The following BAHCC1 variants were observed in gnomAD, a reference collection of about 807,000 sequenced individuals.
The protein encoded by BAHCC1 is BAH and coiled-coil domain-containing protein 1.
In BAHCC1, 43 loss-of-function variants were observed where a neutral mutation model predicts 88.2. That is an observed-to-expected ratio of 0.49 (90% CI 0.38 to 0.63). The LOEUF is 0.63. BAHCC1 is among the 20% of genes least tolerant of loss of function. BAHCC1 has a pLI of 0.00. For missense variants in BAHCC1, 3,023 were observed against 1,654.8 expected, an observed-to-expected ratio of 1.83 and a Z score of -14.34; for synonymous variants, 1,510 against 745.5, an observed-to-expected ratio of 2.03 and a Z score of -16.71.
intron 4 of BAHCC1, among the ~76,000 whole-genome samples, chr17:81,440,213 GT>G (rs2064392286): frequency 1.3e-5 from 2 of 152,210 alleles, no homozygotes; most frequent in African/African-American, 2.4e-5. Context: ...AGCGCGTGCA[GT>G]TATTTTGACA....
rs1555658091 is a variant in BAHCC1, at chr17:81,458,480, C to T, written c.5343+14C>T. ...CCAGTGCTGCGGGTGAGGCTGGGCT[C>T]TGGGGTGCTGGGCGGAGAGGGTGGG... On this transcript the variant is annotated intron_variant, in intron 18 of 27. Transcript: ENST00000675386. 2.9e-6 allele frequency: 2 copies of T among 691,320 alleles called. No individual in the cohort carries two copies. Among genetic ancestry groups the T allele is most frequent in the Non-Finnish European group, 5.3e-6 (2 of 375,484 alleles). 42.8% of individuals were successfully genotyped at this position (691,320 alleles called of 1,614,324 possible). A position where few individuals can be genotyped will look rare whatever the true frequency, so the allele number is the denominator to read the frequency against.
Position 81,442,931 on chromosome 17 carries a change from G to A in BAHCC1, c.1582G>A (p.Gly528Ser), listed in dbSNP as rs782122694. 3.9e-6 allele frequency: 3 copies of A among 779,100 alleles called. No homozygotes were observed. Among genetic ancestry groups the A allele is most frequent in the Non-Finnish European group, 7.2e-6 (3 of 417,818 alleles). The allele number at this position is 779,100 out of a possible 1,614,324, so 48.3% of individuals were successfully genotyped here. Residue 528 changes from glycine to serine, a missense_variant, in exon 5 of 28, where the codon GGC becomes AGC. Coordinates refer to ENST00000675386, the MANE Select transcript of BAHCC1 (RefSeq NM_001377448.1). Reference sequence around the variant, plus strand: ...CTGCTGCACTTTAGATAAGACTGTTGGCAAGGAAGCCCCGGCCGGCCCCCC... The same window carrying A: ...CTGCTGCACTTTAGATAAGACTGTTAGCAAGGAAGCCCCGGCCGGCCCCCC... ...QACCTLDKTVGKEAPAGPPGA... is the reference protein window; with the variant it reads ...QACCTLDKTVSKEAPAGPPGA...
chr17:81,409,610 C>T (rs2143250480), intron 2 of BAHCC1, among the ~76,000 whole-genome samples: 1 of 152,312 alleles, frequency 6.6e-6, no homozygotes, highest in Middle Eastern at 3.4e-3. Context: ...TCATCTGGGT[C>T]ATAGAGCACT....
intron 2 of BAHCC1, among the ~76,000 whole-genome samples, chr17:81,415,860 C>T (rs1555648566): frequency 6.6e-6 from 1 of 152,250 alleles, no homozygotes; most frequent in Non-Finnish European, 1.5e-5. Context: ...GCTGCAACTA[C>T]CCACAGAACC....
At chr17:81,457,624 T>C (rs782524662) in intron 17 of BAHCC1, 32 bp downstream of exon 17, 33 of 659,780 alleles carry the variant, frequency 5.0e-5, no homozygotes, top group Non-Finnish European at 7.5e-5. Context: ...GGTTGCTAGG[T>C]AACCAGGAGG....
intron 6 of BAHCC1, 34 bp from the exon 7 acceptor site, chr17:81,444,347 C>T (rs782289931): frequency 3.4e-5 from 24 of 712,540 alleles, no homozygotes; most frequent in South Asian, 1.6e-4. Context: ...TGGGCCTTGG[C>T]GCCGGCGGCA....
intron 3 of BAHCC1, among the ~76,000 whole-genome samples, chr17:81,436,845 T>C (rs2064344045): frequency 1.3e-5 from 2 of 152,212 alleles, no homozygotes; most frequent in Non-Finnish European, 1.5e-5. Flanking sequence ...GGCTTCACCC[T>C]GTCAAGCAGG....
chr17:81,424,899 G>C (rs1417398052), intron 2 of BAHCC1, among the ~76,000 whole-genome samples: 1 of 151,472 alleles, frequency 6.6e-6, no homozygotes, highest in African/African-American at 2.4e-5. Context: ...TAGTAATGTG[G>C]TTGGTGGTGA....
Position 81,435,584 on chromosome 17 carries a change from C to G in BAHCC1, c.359-2786C>G, listed in dbSNP as rs1555651605. ...GGGGAGGTTCTGGAGCCCCGACGTT[C>G]TAGCAGGAGCTTGCAGTTGAGGACC... On this transcript the variant is annotated intron_variant, in intron 3 of 27. Coordinates refer to ENST00000675386, the MANE Select transcript of BAHCC1 (RefSeq NM_001377448.1). This position sits in a 1 kb window ranked among gnomAD's most constrained non-coding sequence, Gnocchi z 4.4. 2.3e-6 allele frequency: 1 copy of G among 443,488 alleles called. No homozygotes were observed. The highest frequency in any genetic ancestry group is 2.0e-5 in the African/African-American group (1 of 49,422). The allele number at this position is 443,488 out of a possible 1,614,324, so 27.5% of individuals were successfully genotyped here.
chr17:81,449,263 C>T (rs74002281), intron 11 of BAHCC1, among the ~76,000 whole-genome samples: 3,487 of 152,290 alleles, frequency 0.023, 136 homozygotes, highest in African/African-American at 0.081. Flanking sequence ...GGGTCTCCAC[C>T]TCATGGTCCC....
chr17:81,443,908 T>C lies in BAHCC1; in HGVS notation c.2315T>C (p.Leu772Pro). Residue 772 changes from leucine to proline, a missense_variant, in exon 6 of 28, where the codon CTG becomes CCG. By Grantham distance (98) the Leu-to-Pro change is moderately conservative. Transcript: ENST00000675386. ...DDRLGLASRE[L>P]LLQDSKDRVE... The stretch of plus-strand genomic sequence containing the variant: ...CGCCTGGGGCTTGCCAGCCGCGAGC[T>C]GCTGCTGCAGTGAGAGCTGGGCCTG... 1.4e-6 allele frequency: 1 copy of C among 711,340 alleles called. No individual in the cohort carries two copies. The highest frequency in any genetic ancestry group is 2.6e-6 in the Non-Finnish European group (1 of 384,772). 44.1% of individuals were successfully genotyped at this position (711,340 alleles called of 1,614,324 possible).
chr17:81,441,760 C>T (rs2064420741), intron 4 of BAHCC1, 71 bp from the exon 5 acceptor site: 1 of 495,854 alleles, frequency 2.0e-6, no homozygotes, highest in Non-Finnish European at 3.7e-6. Flanking sequence ...ACCTGGAGCA[C>T]CTGTCTCAGG....
chr17:81,444,523 CCCCGCA>C lies in BAHCC1; in HGVS notation c.2474_2479del (p.Thr825_Arg826del). ...CACCCACCCCCATCCCCCCTGGCTG[CCCCGCA>C]CCCGCAGCCCCTCCCTGTGGATGGG... is the stretch of plus-strand genomic sequence containing the variant. On this transcript the variant is annotated inframe_deletion, in exon 7 of 28. Transcript: ENST00000675386. The C allele has an allele frequency of 1.4e-6, 1 of 696,364 alleles. No homozygotes were observed. Among genetic ancestry groups the C allele is most frequent in the Non-Finnish European group, 2.6e-6 (1 of 380,190 alleles). The allele number at this position is 696,364 out of a possible 1,614,324, so 43.1% of individuals were successfully genotyped here.
intron 3 of BAHCC1, among the ~76,000 whole-genome samples, chr17:81,430,012 T>TCCCGG (rs1474736057): frequency 2.0e-5 from 3 of 152,094 alleles, no homozygotes; most frequent in African/African-American, 7.2e-5. Context: ...GTTCAGCTCC[T>TCCCGG]CCCGGCCCGC....
intron 3 of BAHCC1, among the ~76,000 whole-genome samples, chr17:81,431,357 T>G (rs1241720395): frequency 6.6e-6 from 1 of 152,144 alleles, no homozygotes; most frequent in Non-Finnish European, 1.5e-5. Flanking sequence ...ATGCATAGCC[T>G]CATGTTCACG....
At chr17:81,452,205 T>C in intron 13 of BAHCC1, 98 bp downstream of exon 13, 1 of 531,856 alleles carries the variant, frequency 1.9e-6, no homozygotes, top group South Asian at 2.7e-5. Context: ...CAGGCCAGGA[T>C]TGGGCTCTGC....
chr17:81,438,305 G>A (rs782766818), intron 3 of BAHCC1, 65 bp from the exon 4 acceptor site: 90 of 767,500 alleles, frequency 1.2e-4, no homozygotes, highest in Non-Finnish European at 1.8e-4. Context: ...CCTCCCTGGG[G>A]TCAGGGCGAG....
chr17:81,440,261 C>T (rs557515378), intron 4 of BAHCC1, among the ~76,000 whole-genome samples: 1 of 152,338 alleles, frequency 6.6e-6, no homozygotes, highest in South Asian at 2.1e-4. Flanking sequence ...GGGTCCCAAC[C>T]CCAGAAACCC....
chr17:81,443,782 C>G (rs1212815891), intron 5 of BAHCC1, 27 bp from the exon 6 acceptor site: 1 of 706,310 alleles, frequency 1.4e-6, no homozygotes, highest in Non-Finnish European at 2.6e-6. Flanking sequence ...CCAACCCTCT[C>G]CCGTCTGCTG....
Sources: gnomAD v4.1 joint callset for allele counts (sites outside exome capture counted in the v4.1 genomes callset) on GRCh38, gnomAD v4.1.1 for gene constraint, Gnocchi (gnomAD v3.1) non-coding constraint, MANE v1.5 for transcripts, NCBI Gene and HGNC (gene_info 2026-07-23, HGNC 2026-07-21) for gene names.